STAU1: variants seen among roughly 807,000 people sequenced by gnomAD.
The protein encoded by STAU1 is staufen double-stranded RNA binding protein 1, also known as double-stranded RNA-binding protein Staufen homolog 1.
Under a neutral mutation model 62.9 loss-of-function variants are expected in STAU1, and 13 were observed. That is an observed-to-expected ratio of 0.21 (90% CI 0.13 to 0.33). The LOEUF is 0.33. Ranked by LOEUF, STAU1 falls within the 10% of genes least tolerant of loss-of-function variation. STAU1 has a pLI of 1.00. For synonymous variants in STAU1, 269 were observed against 265.1 expected (o/e 1.01, Z -0.14); for missense variants, 571 against 712.1 (o/e 0.80, Z 2.25).
the STAU1 span, among the ~76,000 whole-genome samples, chr20:49,210,973 C>T: frequency 6.6e-6 from 1 of 151,944 alleles, no homozygotes; most frequent in Non-Finnish European, 1.5e-5. Context: ...CCCCCAATTC[C>T]CTAATCCCCC....
At chr20:49,135,750 G>T in intron 6 of STAU1, 83 bp downstream of exon 6, 1 of 983,700 alleles carries the variant, frequency 1.0e-6, no homozygotes, top group South Asian at 1.6e-5. Context: ...TTATTCCAAT[G>T]ATATTTAGGG....
intron 1 of STAU1, among the ~76,000 whole-genome samples, chr20:49,183,330 G>C (rs1203296984): frequency 1.3e-5 from 2 of 152,168 alleles, no homozygotes; most frequent in Non-Finnish European, 2.9e-5. Context: ...GAACAATTCT[G>C]TGTCACTGGG....
At chr20:49,213,263 C>T in the STAU1 span, among the ~76,000 whole-genome samples, 16 of 151,892 alleles carry the variant, frequency 1.1e-4, no homozygotes, top group African/African-American at 3.6e-4. Context: ...CAGAGTTTCT[C>T]TCTGTCACCC....
chr20:49,158,307 A>G lies in STAU1; in HGVS notation c.206-4236T>C, dbSNP rs1004194267. On this transcript the variant is annotated intron_variant, in intron 3 of 13. Transcript: ENST00000371856. ...CTCAAAAAAAGAAAAAATTAATTGA[A>G]GCTTTTATTCTTCTGATGTAATCAC... is the stretch of plus-strand genomic sequence containing the variant. 19 of 618,436 alleles carry G rather than the reference A, an allele frequency of 3.1e-5. No homozygotes were observed. The African/African-American group carries it at 3.5e-4, about 11-fold the overall frequency. 38.3% of individuals were successfully genotyped at this position (618,436 alleles called of 1,614,324 possible). A position where few individuals can be genotyped will look rare whatever the true frequency, so the allele number is the denominator to read the frequency against.
chr20:49,160,422 C>T (rs1464764035), intron 3 of STAU1, among the ~76,000 whole-genome samples: 1 of 152,202 alleles, frequency 6.6e-6, no homozygotes, highest in Non-Finnish European at 1.5e-5. Context: ...CAGAAACAGA[C>T]AGCGTCAATT....
the STAU1 span, among the ~76,000 whole-genome samples, chr20:49,196,904 C>T: frequency 6.6e-6 from 1 of 152,040 alleles, no homozygotes; most frequent in Non-Finnish European, 1.5e-5. Flanking sequence ...CGCCTGTAAT[C>T]CTAGCACTTT....
upstream of STAU1, among the ~76,000 whole-genome samples, chr20:49,191,911 C>T (rs1024304009): frequency 3.3e-5 from 5 of 151,080 alleles, no homozygotes; most frequent in African/African-American, 4.9e-5. Flanking sequence ...ATTAGCCAGC[C>T]GTGGTGGTAT....
At chr20:49,151,888 C>T in intron 4 of STAU1, 141 bp from the exon 5 acceptor site, 1 of 722,672 alleles carries the variant, frequency 1.4e-6, no homozygotes. Context: ...ATCAATATAT[C>T]CAGAGATTTC....
intron 5 of STAU1, among the ~76,000 whole-genome samples, chr20:49,143,463 T>C (rs2869715): frequency 0.4 from 60,437 of 151,946 alleles, 12,049 homozygotes; most frequent in Middle Eastern, 0.48. Context: ...TGTGGTGGCA[T>C]ACACCTGTAG....
intron 2 of STAU1, among the ~76,000 whole-genome samples, chr20:49,166,604 C>A (rs1278800446): frequency 2.0e-5 from 3 of 152,092 alleles, no homozygotes; most frequent in African/African-American, 4.8e-5. Context: ...TTCAAAAATG[C>A]AAATTTGAAA....
chr20:49,216,940 C>A, the STAU1 span, among the ~76,000 whole-genome samples: 7 of 152,132 alleles, frequency 4.6e-5, no homozygotes, highest in African/African-American at 1.7e-4. Context: ...GTGAAGGCAG[C>A]CAGGATTTGG....
In STAU1 at chr20:49,117,087, C is replaced by CGTTT. The variant is rs1426765255; in HGVS notation, c.1632+38_1632+39insAAAC. ...TGAACCAAGGCAGGCTCCACATAAA[C>CGTTT]ACACAACACCCCAATCCCTCACCCA... On this transcript the variant is annotated intron_variant, in intron 12 of 13. Transcript: ENST00000371856. The surrounding 1 kb of genome is among the most constrained non-coding windows in gnomAD (Gnocchi z 4.6). 6.2e-7 allele frequency: 1 copy of CGTTT among 1,610,388 alleles called. No homozygotes were observed. The highest frequency in any genetic ancestry group is 8.5e-7 in the Non-Finnish European group (1 of 1,178,160).
the STAU1 span, among the ~76,000 whole-genome samples, chr20:49,206,504 C>T: frequency 2.2e-5 from 3 of 137,898 alleles, no homozygotes; most frequent in African/African-American, 2.7e-5. Flanking sequence ...CCACCGTGCC[C>T]GGCCATCTTC....
chr20:49,212,615 A>AT, the STAU1 span, among the ~76,000 whole-genome samples: 1 of 85,176 alleles, frequency 1.2e-5, no homozygotes, highest in African/African-American at 4.7e-5. Context: ...AGCTATTGGA[A>AT]TTTTTTTTTT....
At chr20:49,218,824 T>C in the STAU1 span, among the ~76,000 whole-genome samples, 1 of 151,844 alleles carries the variant, frequency 6.6e-6, no homozygotes, top group East Asian at 1.9e-4. Flanking sequence ...GGAGGATTGC[T>C]TGAGCCCAGG....
At chr20:49,164,124 G>A (rs2093491173) in intron 3 of STAU1, among the ~76,000 whole-genome samples, 1 of 151,952 alleles carries the variant, frequency 6.6e-6, no homozygotes, top group South Asian at 2.1e-4. Flanking sequence ...CAGCTACTCG[G>A]GAGGCTGAGG....
chr20:49,175,461 CATA>C (rs1285300426), intron 1 of STAU1, among the ~76,000 whole-genome samples: 1 of 152,078 alleles, frequency 6.6e-6, no homozygotes, highest in Non-Finnish European at 1.5e-5. Flanking sequence ...ATGAATATCT[CATA>C]ATGTTTAGGC....
chr20:49,212,628 A>T, the STAU1 span, among the ~76,000 whole-genome samples: 172 of 5,772 alleles, frequency 0.03, no homozygotes, highest in Non-Finnish European at 0.043. Context: ...TTTTTTTTTT[A>T]GGCAGAGTTT....
the STAU1 span, among the ~76,000 whole-genome samples, chr20:49,216,893 A>C: frequency 6.6e-6 from 1 of 152,206 alleles, no homozygotes; most frequent in Non-Finnish European, 1.5e-5. Context: ...ATCTGCCTAC[A>C]TCTTATCCAT....
Sources: gnomAD v4.1 joint callset for allele counts (sites outside exome capture counted in the v4.1 genomes callset) on GRCh38, gnomAD v4.1.1 for gene constraint, Gnocchi (gnomAD v3.1) non-coding constraint, MANE v1.5 for transcripts, NCBI Gene and HGNC (gene_info 2026-07-23, HGNC 2026-07-21) for gene names.